Variants in MIPOL1 observed in about 807,000 individuals in gnomAD.
MIPOL1 encodes the protein mirror-image polydactyly gene 1 protein.
Under a neutral mutation model 60.9 loss-of-function variants are expected in MIPOL1, and 57 were observed. The observed-to-expected ratio is 0.94, with a 90% CI of 0.76 to 1.17. The LOEUF is 1.17. Ranked by LOEUF, MIPOL1 falls within the 50% of genes most tolerant of loss-of-function variation. MIPOL1 has a pLI of 0.00. For synonymous variants in MIPOL1, 179 were observed against 168.8 expected, an observed-to-expected ratio of 1.06 and a Z score of -0.47; for missense variants, 551 against 511.6, an observed-to-expected ratio of 1.08 and a Z score of -0.74.
intron 6 of MIPOL1, among the ~76,000 whole-genome samples, chr14:37,276,044 A>G (rs557479988): frequency 1.3e-5 from 2 of 151,284 alleles, no homozygotes; most frequent in South Asian, 2.1e-4. Context: ...TAAAGCCAAT[A>G]TTAGGTTTTA....
intron 1 of MIPOL1, among the ~76,000 whole-genome samples, chr14:37,242,483 A>C (rs1972508987): frequency 6.6e-6 from 1 of 152,132 alleles, no homozygotes; most frequent in Non-Finnish European, 1.5e-5. Flanking sequence ...CTCCTATAAT[A>C]TTGTCTGGCT....
intron 9 of MIPOL1, among the ~76,000 whole-genome samples, chr14:37,337,345 T>C (rs2090208742): frequency 6.3e-5 from 2 of 31,610 alleles, no homozygotes; most frequent in Non-Finnish European, 1.2e-4. Flanking sequence ...TATATATATA[T>C]ATATATATAT....
chr14:37,332,619 A>G (rs1457811921), intron 9 of MIPOL1, among the ~76,000 whole-genome samples: 1 of 152,208 alleles, frequency 6.6e-6, no homozygotes, highest in Non-Finnish European at 1.5e-5. Context: ...GAGAAAATAC[A>G]TTTACAATAC....
chr14:37,440,716 G>T (rs1035106368), intron 11 of MIPOL1, among the ~76,000 whole-genome samples: 6 of 152,126 alleles, frequency 3.9e-5, no homozygotes, highest in Non-Finnish European at 8.8e-5. Context: ...TGCCATTGTG[G>T]ATTGTGCTGT....
intron 12 of MIPOL1, among the ~76,000 whole-genome samples, chr14:37,519,534 A>G (rs1042333173): frequency 6.6e-5 from 10 of 152,140 alleles, no homozygotes; most frequent in Admixed American, 3.9e-4. Flanking sequence ...AACTATTTTT[A>G]TTAACATATT....
intron 3 of MIPOL1, among the ~76,000 whole-genome samples, chr14:37,248,556 TATAGTGAA>T (rs1446712664): frequency 6.6e-6 from 1 of 151,722 alleles, no homozygotes; most frequent in African/African-American, 2.4e-5. Context: ...AAGAGACACA[TATAGTGAA>T]AGAGACAAGA....
chr14:37,205,917 C>CAT (rs1966013200), intron 1 of MIPOL1, among the ~76,000 whole-genome samples: 2 of 152,034 alleles, frequency 1.3e-5, no homozygotes, highest in African/African-American at 2.4e-5. Context: ...TGAATAGTAC[C>CAT]ATATAAACAT....
chr14:37,230,591 T>C (rs1970468241), intron 1 of MIPOL1, among the ~76,000 whole-genome samples: 2 of 152,206 alleles, frequency 1.3e-5, no homozygotes, highest in Admixed American at 1.3e-4. Flanking sequence ...GTTGAAGAAA[T>C]CCCAAGTATT....
chr14:37,272,977 G>A (rs763331301), intron 6 of MIPOL1, among the ~76,000 whole-genome samples: 13 of 150,944 alleles, frequency 8.6e-5, no homozygotes, highest in Non-Finnish European at 1.6e-4. Flanking sequence ...GAAATAGTAG[G>A]CATTTTCTTA....
chr14:37,248,735 TAG>T (rs1973598161), intron 3 of MIPOL1, among the ~76,000 whole-genome samples: 1 of 143,332 alleles, frequency 7.0e-6, no homozygotes, highest in Admixed American at 6.9e-5. Context: ...GGAGAGAGAG[TAG>T]AGAGAATGAG....
At chr14:37,267,216 G>A in intron 4 of MIPOL1, 47 bp downstream of exon 4, 2 of 1,442,996 alleles carry the variant, frequency 1.4e-6, no homozygotes, top group Non-Finnish European at 1.9e-6. Flanking sequence ...GGCCAGGCGT[G>A]GTGGCTCATG....
chr14:37,483,494 A>G (rs951075084), intron 11 of MIPOL1, among the ~76,000 whole-genome samples: 1 of 152,148 alleles, frequency 6.6e-6, no homozygotes, highest in Non-Finnish European at 1.5e-5. Context: ...GAATCCATGT[A>G]TTCTAGGGCC....
At chr14:37,201,020 G>A (rs1183313640) in intron 1 of MIPOL1, among the ~76,000 whole-genome samples, 3 of 150,300 alleles carry the variant, frequency 2.0e-5, no homozygotes, top group Non-Finnish European at 3.0e-5. Flanking sequence ...CTCTCACCTC[G>A]GCTTCCCAAG....
intron 1 of MIPOL1, among the ~76,000 whole-genome samples, chr14:37,208,423 A>G (rs1205508843): frequency 6.6e-6 from 1 of 152,154 alleles, no homozygotes; most frequent in African/African-American, 2.4e-5. Flanking sequence ...TAAATAAATA[A>G]TATAGAGAAA....
chr14:37,252,633 A>G (rs1302756010), intron 3 of MIPOL1, among the ~76,000 whole-genome samples: 1 of 151,944 alleles, frequency 6.6e-6, no homozygotes, highest in African/African-American at 2.4e-5. Context: ...CCTGTGTGCC[A>G]CCATCAACCT....
intron 12 of MIPOL1, chr14:37,506,143 G>A (rs1005503387): frequency 2.0e-5 from 3 of 152,146 alleles, no homozygotes; most frequent in African/African-American, 7.2e-5. Flanking sequence ...TCACGGATAG[G>A]AATAATCAAT....
intron 1 of MIPOL1, among the ~76,000 whole-genome samples, chr14:37,207,745 CACA>C (rs1316964046): frequency 0.073 from 11,071 of 151,924 alleles, 1,350 homozygotes; most frequent in African/African-American, 0.25. Flanking sequence ...GGGGTTTTAC[CACA>C]TTGGCCAGGC....
At chr14:37,283,359 G>A (rs145868650) in intron 6 of MIPOL1, among the ~76,000 whole-genome samples, 1,756 of 152,104 alleles carry the variant, frequency 0.012, 12 homozygotes, top group Non-Finnish European at 0.019. Context: ...GAGCCACCAC[G>A]CCTGGCGCCT....
rs866498387 is a variant in MIPOL1 at position 37,384,394 on chromosome 14, A to C, written c.936+14770A>C. Among the ~76,000 whole-genome samples the C allele has an allele frequency of 5.9e-5, 9 of 151,908 alleles. No individual in the cohort carries two copies. The South Asian group carries it at 1.9e-3, about 32-fold the overall frequency. The stretch of plus-strand genomic sequence containing the variant: ...TCTGAGGAAATTTTGGGAAAAATAT[A>C]GCTACTGATATAAAATTGTCATTCA... On this transcript the variant is annotated intron_variant, in intron 10 of 12. Transcript: ENST00000684589.
Sources: gnomAD v4.1 joint callset for allele counts (sites outside exome capture counted in the v4.1 genomes callset) on GRCh38, gnomAD v4.1.1 for gene constraint, MANE v1.5 for transcripts, NCBI Gene and HGNC (gene_info 2026-07-23, HGNC 2026-07-21) for gene names.